The following CHSY3 variants were observed in gnomAD, a reference collection of about 807,000 sequenced individuals.
CHSY3 encodes the protein N-acetylgalactosaminyl-proteoglycan 3-beta-glucuronosyltransferase 3.
CHSY3 carries 35 observed loss-of-function variants against 67.2 expected under a neutral mutation model. The ratio of observed to expected loss-of-function variants is 0.52; its 90% confidence interval spans 0.40 to 0.69. CHSY3 has a LOEUF of 0.69. CHSY3 is among the 30% of genes least tolerant of loss of function. The probability of loss-of-function intolerance (pLI) is 0.00; values close to 1 mark genes in which losing one functional copy is unlikely to be tolerated. For synonymous variants in CHSY3, 474 were observed against 434.7 expected, an observed-to-expected ratio of 1.09 and a Z score of -1.12; for missense variants, 1,069 against 1,138.5, an observed-to-expected ratio of 0.94 and a Z score of 0.88.
intron 2 of CHSY3, among the ~76,000 whole-genome samples, chr5:130,014,348 G>T (rs539104945): frequency 6.6e-6 from 1 of 152,276 alleles, no homozygotes; most frequent in African/African-American, 2.4e-5. Context: ...ATGCTGCTAT[G>T]AAGAAATACC....
chr5:130,066,928 T>TGCTA (rs1228049834), intron 2 of CHSY3, among the ~76,000 whole-genome samples: 1 of 152,176 alleles, frequency 6.6e-6, no homozygotes, highest in Non-Finnish European at 1.5e-5. Flanking sequence ...AAGGCCAGGA[T>TGCTA]GCTAGATTCC....
intron 2 of CHSY3, among the ~76,000 whole-genome samples, chr5:130,110,995 C>T (rs2149703746): frequency 6.6e-6 from 1 of 151,828 alleles, no homozygotes; most frequent in Admixed American, 6.6e-5. Flanking sequence ...TCAACTTTCA[C>T]CAACATTTAA....
intron 2 of CHSY3, among the ~76,000 whole-genome samples, chr5:130,026,344 T>A (rs1250573183): frequency 6.6e-6 from 1 of 152,124 alleles, no homozygotes; most frequent in Non-Finnish European, 1.5e-5. Context: ...ATGAAGTGAT[T>A]AAAATGTAAA....
At chr5:129,940,390 A>T (rs1000474861) in intron 2 of CHSY3, among the ~76,000 whole-genome samples, 10 of 152,254 alleles carry the variant, frequency 6.6e-5, no homozygotes, top group Non-Finnish European at 1.3e-4. Flanking sequence ...TCAGAAATTA[A>T]AGTTTTTCAA....
chr5:129,936,555 A>G lies in CHSY3; in HGVS notation c.1086+28195A>G, dbSNP rs184799474. On this transcript the variant is annotated intron_variant, in intron 2 of 2. Coordinates refer to ENST00000305031, the MANE Select transcript of CHSY3 (RefSeq NM_175856.5). The stretch of plus-strand genomic sequence containing the variant: ...CTTTTGCAGGGAAGGAGCCTGCACT[A>G]TATTTGTTTCTCCATGTCACCAGCT... 7.0e-4 allele frequency among the ~76,000 whole-genome samples: 107 copies of G among 152,188 alleles called. 1 individual carries two copies. Among genetic ancestry groups the G allele is most frequent in the Middle Eastern group, 6.8e-3 (2 of 294 alleles).
At chr5:130,176,563 A>G (rs917673882) in intron 2 of CHSY3, among the ~76,000 whole-genome samples, 1 of 152,188 alleles carries the variant, frequency 6.6e-6, no homozygotes, top group Admixed American at 6.5e-5. Flanking sequence ...TTGCAGTACT[A>G]TTCACAATAG....
chr5:129,905,802 G>C, intron 1 of CHSY3, 171 bp downstream of exon 1: 3 of 1,358,100 alleles, frequency 2.2e-6, no homozygotes, highest in Non-Finnish European at 2.9e-6. Flanking sequence ...ACAATTCGTA[G>C]CCCGTTCCTC....
At chr5:129,960,036 G>A (rs981330306) in intron 2 of CHSY3, among the ~76,000 whole-genome samples, 2 of 152,092 alleles carry the variant, frequency 1.3e-5, no homozygotes, top group Non-Finnish European at 2.9e-5. Flanking sequence ...GACAAGAGAT[G>A]ATGATTTAAT....
chr5:129,979,199 C>CAAAAAAAAAAAAAA (rs58584381), intron 2 of CHSY3, among the ~76,000 whole-genome samples: 68 of 62,538 alleles, frequency 1.1e-3, no homozygotes, highest in Middle Eastern at 0.016. Flanking sequence ...GACTCCGTCT[C>CAAAAAAAAAAAAAA]AAAAAAAAAA....
intron 2 of CHSY3, among the ~76,000 whole-genome samples, chr5:130,079,030 T>C (rs1190794490): frequency 6.6e-6 from 1 of 152,160 alleles, no homozygotes; most frequent in Non-Finnish European, 1.5e-5. Flanking sequence ...TGAGGATTGA[T>C]GAGATTATAT....
chr5:130,087,754 G>C (rs1231516701), intron 2 of CHSY3, among the ~76,000 whole-genome samples: 1 of 151,812 alleles, frequency 6.6e-6, no homozygotes, highest in African/African-American at 2.4e-5. Context: ...CATGCTCATG[G>C]GTAGGAAAAA....
intron 2 of CHSY3, among the ~76,000 whole-genome samples, chr5:130,072,626 A>T (rs1175133640): frequency 6.6e-6 from 1 of 152,018 alleles, no homozygotes; most frequent in Non-Finnish European, 1.5e-5. Flanking sequence ...TTTGCTCAAG[A>T]TTGCTTTGGC....
chr5:130,082,883 T>TAC (rs909521048), intron 2 of CHSY3, among the ~76,000 whole-genome samples: 198 of 151,504 alleles, frequency 1.3e-3, no homozygotes, highest in African/African-American at 4.5e-3. Context: ...TATATGTATA[T>TAC]ACACACACAC....
At chr5:129,952,156 G>C (rs1445023201) in intron 2 of CHSY3, among the ~76,000 whole-genome samples, 1 of 152,210 alleles carries the variant, frequency 6.6e-6, no homozygotes, top group Non-Finnish European at 1.5e-5. Flanking sequence ...TGGAGGAAGA[G>C]TGGAGCCTCT....
chr5:129,979,935 C>A lies in CHSY3; in HGVS notation c.1086+71575C>A, dbSNP rs150800869. On this transcript the variant is annotated intron_variant, in intron 2 of 2. Coordinates refer to ENST00000305031, the MANE Select transcript of CHSY3 (RefSeq NM_175856.5). ...CTTTTAATGGCTTAATAACTCATTT[C>A]TTTTAATGATAGATAATATTTCATT... Among the ~76,000 whole-genome samples, 518 of 152,202 alleles carry A rather than the reference C, an allele frequency of 3.4e-3. 5 individuals are homozygous for A. Among genetic ancestry groups the A allele is most frequent in the African/African-American group, 0.012 (490 of 41,540 alleles).
chr5:129,935,530 C>T (rs1480803840), intron 2 of CHSY3, among the ~76,000 whole-genome samples: 4 of 152,122 alleles, frequency 2.6e-5, no homozygotes, highest in South Asian at 2.1e-4. Flanking sequence ...ATTTTCAGGG[C>T]GTATTCATCC....
intron 2 of CHSY3, among the ~76,000 whole-genome samples, chr5:130,099,615 G>T (rs1195937487): frequency 6.6e-6 from 1 of 152,204 alleles, no homozygotes; most frequent in Non-Finnish European, 1.5e-5. Flanking sequence ...CCATAAAAAT[G>T]ATATTCAGAA....
chr5:130,085,711 A>G (rs570182776), intron 2 of CHSY3, among the ~76,000 whole-genome samples: 1,523 of 152,096 alleles, frequency 0.01, 25 homozygotes, highest in African/African-American at 0.035. Context: ...TAGGGTGTCA[A>G]TTTTGGATCT....
chr5:130,001,662 T>C (rs1763730840), intron 2 of CHSY3: 1 of 760,722 alleles, frequency 1.3e-6, no homozygotes, highest in Non-Finnish European at 1.6e-6. Context: ...TAGAGAGTAA[T>C]TTATAAGCCT....
Sources: allele counts gnomAD v4.1 joint callset (sites outside exome capture counted in the v4.1 genomes callset), GRCh38; gene constraint gnomAD v4.1.1; transcripts MANE v1.5; gene names NCBI Gene and HGNC (gene_info 2026-07-23, HGNC 2026-07-21).